GJB6: variants seen among roughly 807,000 people sequenced by gnomAD.
GJB6 encodes the protein gap junction protein beta 6.
In GJB6, 5 loss-of-function variants were observed where a neutral mutation model predicts 5.4. That is an observed-to-expected ratio of 0.92 (90% CI 0.48 to 1.93). The LOEUF (loss-of-function observed/expected upper bound fraction) is 1.93. Among genes scored for constraint, GJB6 ranks in the 30% most tolerant of loss-of-function variants. The pLI is 0.01. For synonymous variants in GJB6, 136 were observed against 129.6 expected, an observed-to-expected ratio of 1.05 and a Z score of -0.34; for missense variants, 298 against 326.9, an observed-to-expected ratio of 0.91 and a Z score of 0.68.
chr13:20,223,592 T>A, intron 4 of GJB6, 97 bp from the exon 5 acceptor site: 2 of 931,994 alleles, frequency 2.1e-6, no homozygotes, highest in Non-Finnish European at 3.5e-6. Flanking sequence ...TATTTTAAGG[T>A]AGGCTGTGAT....
At chr13:20,231,847 C>T (rs1870103514) in intron 1 of GJB6, among the ~76,000 whole-genome samples, 1 of 152,238 alleles carries the variant, frequency 6.6e-6, no homozygotes, top group African/African-American at 2.4e-5. Flanking sequence ...AAGGGGACCA[C>T]GCTGGGGTAA....
At chr13:20,228,478 TTGTTTTTG>T (rs1869751786) in intron 4 of GJB6, among the ~76,000 whole-genome samples, 4 of 131,332 alleles carry the variant, frequency 3.0e-5, no homozygotes, top group African/African-American at 1.0e-4. Flanking sequence ...TTTTTGTTTT[TTGTTTTTG>T]TTTTTTGTTT....
intron 4 of GJB6, among the ~76,000 whole-genome samples, chr13:20,227,958 GCAGAGGGGCC>G (rs1869708452): frequency 6.6e-6 from 1 of 152,124 alleles, no homozygotes; most frequent in African/African-American, 2.4e-5. Flanking sequence ...TGGACAGACT[GCAGAGGGGCC>G]CAGAGGAAGG....
chr13:20,227,143 T>C lies in GJB6; in HGVS notation c.-16+2437A>G, dbSNP rs181576754. On this transcript the variant is annotated intron_variant, in intron 4 of 4. Coordinates refer to ENST00000647029, the MANE Select transcript of GJB6 (RefSeq NM_001110219.3). ...TTTGGGCTTCTCCCTGTTTTTTTTT[T>C]CTAAAAACAGGGACAATTATAAGGG... Among the ~76,000 whole-genome samples the C allele has an allele frequency of 3.8e-4, 58 of 152,250 alleles. 1 individual carries two copies. Among genetic ancestry groups the C allele is most frequent in the African/African-American group, 1.1e-3 (47 of 41,536 alleles).
chr13:20,223,983 TATC>T (rs1869411052), intron 4 of GJB6, among the ~76,000 whole-genome samples: 1 of 151,790 alleles, frequency 6.6e-6, no homozygotes, highest in Non-Finnish European at 1.5e-5. Flanking sequence ...AAAAAAAAAT[TATC>T]ATGTTTTTGG....
intron 4 of GJB6, among the ~76,000 whole-genome samples, chr13:20,228,762 G>C (rs1284248231): frequency 2.0e-5 from 3 of 152,020 alleles, no homozygotes; most frequent in Non-Finnish European, 2.9e-5. Flanking sequence ...GGGATTACAA[G>C]CATGAGCCAC....
intron 4 of GJB6, chr13:20,225,344 TGC>T (rs1869505692): frequency 1.3e-5 from 2 of 152,522 alleles, no homozygotes; most frequent in African/African-American, 4.8e-5. Context: ...TCCATGTTGC[TGC>T]GTGTGACAGG....
intron 4 of GJB6, among the ~76,000 whole-genome samples, chr13:20,224,039 T>C (rs1365660841): frequency 6.6e-6 from 1 of 152,186 alleles, no homozygotes; most frequent in African/African-American, 2.4e-5. Flanking sequence ...TCATCTTGAT[T>C]CAACTAAATT....
chr13:20,222,791 AT>A lies in GJB6; in HGVS notation c.689del (p.Asn230IlefsTer7), dbSNP rs398124237. On this transcript the variant is annotated frameshift_variant, in exon 5 of 5. Transcript: ENST00000647029. LOFTEE classifies it high-confidence loss of function. Reference protein sequence around the residue: ...RRSKRAQTQKNHPNHALKESK... With the variant: ...RRSKRAQTQKXHPNHALKESK... ...TCTCCTTTAGGGCATGATTGGGGTG[AT>A]TTTTTTGCGTCTGTGCTCTCTTTGA... 7 of 1,613,798 alleles carry A rather than the reference AT, an allele frequency of 4.3e-6. No homozygotes were observed. The highest frequency in any genetic ancestry group is 5.9e-6 in the Non-Finnish European group (7 of 1,179,866).
chr13:20,223,840 G>A (rs1330300076), intron 4 of GJB6, among the ~76,000 whole-genome samples: 2 of 152,052 alleles, frequency 1.3e-5, no homozygotes, highest in African/African-American at 4.8e-5. Context: ...GTGGTGGCGG[G>A]CACCTGTAGT....
chr13:20,223,577 A>G (rs1288741128), intron 4 of GJB6, 82 bp from the exon 5 acceptor site: 17 of 1,068,438 alleles, frequency 1.6e-5, no homozygotes, highest in Non-Finnish European at 2.3e-5. Flanking sequence ...GACTGAAGCC[A>G]ACTTTATTTT....
chr13:20,225,075 A>G (rs1320354779), intron 4 of GJB6, among the ~76,000 whole-genome samples: 1 of 152,242 alleles, frequency 6.6e-6, no homozygotes, highest in Non-Finnish European at 1.5e-5. Context: ...TTGTAGACTT[A>G]GAAAGTCAGC....
At position 20,222,665 on chromosome 13, in the gene GJB6, A is replaced by G. The variant is rs548806574; in HGVS notation, c.*30T>C. ...TTCTGGAGAAGACAGAAGTCTCCTT[A>G]TGACGCAGCTACATTTTACCTTGAA... is the stretch of plus-strand genomic sequence containing the variant. On this transcript the variant is annotated 3_prime_UTR_variant, in exon 5 of 5. Coordinates refer to ENST00000647029, the MANE Select transcript of GJB6 (RefSeq NM_001110219.3). 15 of 1,600,348 alleles carry G rather than the reference A, an allele frequency of 9.4e-6. No homozygotes were observed. In the South Asian group the frequency reaches 1.3e-4, roughly 14 times the overall value.
chr13:20,224,345 C>A (rs889118732), intron 4 of GJB6, among the ~76,000 whole-genome samples: 1 of 152,170 alleles, frequency 6.6e-6, no homozygotes, highest in Non-Finnish European at 1.5e-5. Flanking sequence ...TGAATAACAT[C>A]ATCTGCCATA....
intron 3 of GJB6, among the ~76,000 whole-genome samples, 177 bp downstream of exon 3, chr13:20,230,521 T>G (rs1870010487): frequency 6.6e-6 from 1 of 152,204 alleles, no homozygotes; most frequent in African/African-American, 2.4e-5. Flanking sequence ...GCAGGCCCTC[T>G]GGGGTTCCAG....
At chr13:20,229,969 T>G (rs2137356791) in intron 3 of GJB6, 1 of 151,656 alleles carries the variant, frequency 6.6e-6, no homozygotes, top group East Asian at 2.0e-4. Context: ...CCTATCAAAA[T>G]AACAGTAACA....
At position 20,222,672 on chromosome 13, in the gene GJB6, A is replaced by C; in HGVS notation, c.*23T>G. On this transcript the variant is annotated 3_prime_UTR_variant, in exon 5 of 5. Coordinates refer to ENST00000647029, the MANE Select transcript of GJB6 (RefSeq NM_001110219.3). ...GAAGACAGAAGTCTCCTTATGACGCAGCTACATTTTACCTTGAAATGTTTA... is the reference window on the plus strand; with the variant it reads ...GAAGACAGAAGTCTCCTTATGACGCCGCTACATTTTACCTTGAAATGTTTA... 6.2e-7 allele frequency: 1 copy of C among 1,605,656 alleles called. No individual in the cohort carries two copies. The highest frequency in any genetic ancestry group is 8.5e-7 in the Non-Finnish European group (1 of 1,172,208).
chr13:20,224,472 C>G (rs1377797546), intron 4 of GJB6, among the ~76,000 whole-genome samples: 1 of 152,160 alleles, frequency 6.6e-6, no homozygotes, highest in African/African-American at 2.4e-5. Flanking sequence ...TGCAGTATAA[C>G]CAAGCCCACG....
At chr13:20,226,526 C>G (rs930552117) in intron 4 of GJB6, among the ~76,000 whole-genome samples, 1 of 152,080 alleles carries the variant, frequency 6.6e-6, no homozygotes, top group Non-Finnish European at 1.5e-5. Flanking sequence ...AAATGCAGCT[C>G]CATTTAAAAA....
Sources: allele counts gnomAD v4.1 joint callset (sites outside exome capture counted in the v4.1 genomes callset), GRCh38; gene constraint gnomAD v4.1.1; transcripts MANE v1.5; gene names NCBI Gene and HGNC (gene_info 2026-07-23, HGNC 2026-07-21).